The following ATG10 variants were observed in gnomAD, a reference collection of about 807,000 sequenced individuals.
ATG10 encodes autophagy related 10.
A neutral mutation model predicts 32.1 loss-of-function variants in ATG10; 30 were observed. The ratio of observed to expected loss-of-function variants is 0.94; its 90% CI spans 0.70 to 1.27. The LOEUF (loss-of-function observed/expected upper bound fraction) is 1.27, where lower values mean the gene tolerates loss of function less well. Among genes scored for constraint, ATG10 ranks in the 50% most tolerant of loss-of-function variants. The pLI, the probability that ATG10 is intolerant of heterozygous loss-of-function variation, is 0.00. For missense variants in ATG10, 233 were observed against 262.3 expected (o/e 0.89, Z 0.77); for synonymous variants, 87 against 91.5 (o/e 0.95, Z 0.28).
At chr5:82,149,551 G>A (rs1303091198) in intron 3 of ATG10, among the ~76,000 whole-genome samples, 2 of 151,484 alleles carry the variant, frequency 1.3e-5, no homozygotes, top group Admixed American at 1.3e-4. Flanking sequence ...AGAGGAACAT[G>A]TTACCAATTT....
chr5:81,977,713 T>C (rs1227392883), intron 1 of ATG10, among the ~76,000 whole-genome samples: 1 of 152,230 alleles, frequency 6.6e-6, no homozygotes, highest in Non-Finnish European at 1.5e-5. Flanking sequence ...AATTCATTTC[T>C]TCAAGAATTG....
intron 5 of ATG10, among the ~76,000 whole-genome samples, chr5:82,220,269 CTT>C (rs1245953782): frequency 6.9e-6 from 1 of 144,634 alleles, no homozygotes; most frequent in African/African-American, 2.5e-5. Context: ...CAGTGGAAGG[CTT>C]TTTTTTTTTG....
chr5:82,169,424 A>G (rs1454574432), intron 4 of ATG10, among the ~76,000 whole-genome samples: 5 of 152,148 alleles, frequency 3.3e-5, no homozygotes, highest in Non-Finnish European at 7.4e-5. Flanking sequence ...ATGAGTTGGA[A>G]AGAACATATT....
intron 3 of ATG10, among the ~76,000 whole-genome samples, chr5:82,114,808 C>A (rs2149818256): frequency 6.6e-6 from 1 of 152,076 alleles, no homozygotes; most frequent in East Asian, 1.9e-4. Context: ...TCTGTGGGAT[C>A]TAAGACAGCA....
At chr5:82,211,505 T>C (rs1745490565) in intron 5 of ATG10, among the ~76,000 whole-genome samples, 1 of 152,090 alleles carries the variant, frequency 6.6e-6, no homozygotes, top group South Asian at 2.1e-4. Flanking sequence ...GGAATTCCTT[T>C]TCCATGGTGG....
At chr5:82,130,906 C>G (rs1230287822) in intron 3 of ATG10, among the ~76,000 whole-genome samples, 1 of 152,156 alleles carries the variant, frequency 6.6e-6, no homozygotes, top group Non-Finnish European at 1.5e-5. Flanking sequence ...CACAGTCAAT[C>G]ATCATGTCCT....
intron 2 of ATG10, among the ~76,000 whole-genome samples, chr5:81,991,619 C>A (rs545732693): frequency 6.6e-6 from 1 of 151,956 alleles, no homozygotes; most frequent in South Asian, 2.1e-4. Context: ...CATGGTGAAA[C>A]CCTTTCTCTA....
intron 5 of ATG10, among the ~76,000 whole-genome samples, chr5:82,232,108 T>A (rs1746387727): frequency 6.6e-6 from 1 of 152,176 alleles, no homozygotes; most frequent in Non-Finnish European, 1.5e-5. Flanking sequence ...TTCTTGGAAA[T>A]CTTTGAATTT....
chr5:82,158,644 G>A (rs538505281), intron 3 of ATG10, among the ~76,000 whole-genome samples: 120 of 152,146 alleles, frequency 7.9e-4, no homozygotes, highest in African/African-American at 2.7e-3. Context: ...TATCCTCAGG[G>A]TGGGGGGGTT....
intron 2 of ATG10, among the ~76,000 whole-genome samples, chr5:82,013,352 T>C (rs534606075): frequency 2.0e-5 from 3 of 152,322 alleles, no homozygotes; most frequent in Non-Finnish European, 2.9e-5. Flanking sequence ...ACTTCACTTA[T>C]AATAATGGTC....
At chr5:82,208,776 C>A (rs1745390186) in intron 5 of ATG10, among the ~76,000 whole-genome samples, 1 of 152,150 alleles carries the variant, frequency 6.6e-6, no homozygotes, top group African/African-American at 2.4e-5. Context: ...TTGAGATAAT[C>A]AAATGATTTT....
chr5:82,145,197 C>T lies in ATG10; in HGVS notation c.217-19202C>T, dbSNP rs1175690544. 2.0e-5 allele frequency among the ~76,000 whole-genome samples: 3 copies of T among 152,148 alleles called. No individual in the cohort carries two copies. In the East Asian group the frequency reaches 5.8e-4, roughly 29 times the overall value. The stretch of plus-strand genomic sequence containing the variant: ...CTGCTTTGTTTTTTAAAAATTCATT[C>T]TGATAATCTCTGCCTTTTAATTAAA... On this transcript the variant is annotated intron_variant, in intron 3 of 7. Transcript: ENST00000282185.
chr5:81,981,016 T>C (rs530066790), intron 1 of ATG10, among the ~76,000 whole-genome samples: 1 of 152,290 alleles, frequency 6.6e-6, no homozygotes, highest in African/African-American at 2.4e-5. Flanking sequence ...AACTTTGATT[T>C]GGAATATGTA....
chr5:81,999,725 CA>C (rs796207043), intron 2 of ATG10, among the ~76,000 whole-genome samples: 6 of 148,730 alleles, frequency 4.0e-5, no homozygotes, highest in Admixed American at 6.7e-5. Context: ...CACAGAAATA[CA>C]AAAAAAAAAT....
chr5:82,108,993 C>A (rs570984261), intron 3 of ATG10, among the ~76,000 whole-genome samples: 5 of 151,604 alleles, frequency 3.3e-5, no homozygotes, highest in African/African-American at 9.7e-5. Flanking sequence ...GATTTGGAGC[C>A]GAAGAAAAGT....
rs1171646760 is a variant in ATG10, at chr5:82,111,760, A to C, written c.217-52639A>C. Among the ~76,000 whole-genome samples the C allele has an allele frequency of 3.3e-5, 5 of 151,976 alleles. No homozygotes were observed. The South Asian group carries it at 1.0e-3, about 31-fold the overall frequency. On this transcript the variant is annotated intron_variant, in intron 3 of 7. Coordinates refer to ENST00000282185, the MANE Select transcript of ATG10 (RefSeq NM_031482.5). ...CTACAAATGGCCTCAAATAGAAACT[A>C]TGAAGGGATGATCTGTAAGTTTTTC...
intron 5 of ATG10, among the ~76,000 whole-genome samples, chr5:82,221,366 C>T (rs1745918666): frequency 6.6e-6 from 1 of 152,194 alleles, no homozygotes; most frequent in African/African-American, 2.4e-5. Flanking sequence ...GTAACCTCTT[C>T]ATAACATTTA....
At chr5:82,062,553 AATAC>A (rs1763819093) in intron 3 of ATG10, among the ~76,000 whole-genome samples, 1 of 152,212 alleles carries the variant, frequency 6.6e-6, no homozygotes. Flanking sequence ...TGCTATTATT[AATAC>A]TAATAATGTC....
intron 1 of ATG10, among the ~76,000 whole-genome samples, chr5:81,983,176 C>T (rs1214890192): frequency 6.7e-6 from 1 of 149,014 alleles, no homozygotes; most frequent in African/African-American, 2.5e-5. Context: ...GCTGGCCGGG[C>T]GGGGGACTGA....
Sources: allele counts gnomAD v4.1 joint callset (sites outside exome capture counted in the v4.1 genomes callset), GRCh38; gene constraint gnomAD v4.1.1; transcripts MANE v1.5; gene names NCBI Gene and HGNC (gene_info 2026-07-23, HGNC 2026-07-21).